SCAF8: variants seen among roughly 807,000 people sequenced by gnomAD.
SCAF8 encodes the protein SR-related and CTD-associated factor 8.
In SCAF8, 23 loss-of-function variants were observed where a neutral mutation model predicts 140.5. The ratio of observed to expected loss-of-function variants is 0.16; its 90% CI spans 0.12 to 0.23. The LOEUF is 0.23. Among genes scored for constraint, SCAF8 ranks in the 10% least tolerant of loss-of-function variants. SCAF8 has a pLI of 1.00. For missense variants in SCAF8, 1,397 were observed against 1,555.7 expected, an observed-to-expected ratio of 0.90 and a Z score of 1.72; for synonymous variants, 575 against 528.9, an observed-to-expected ratio of 1.09 and a Z score of -1.20.
chr6:154,785,089 T>A (rs577241218), intron 3 of SCAF8, among the ~76,000 whole-genome samples: 53 of 152,374 alleles, frequency 3.5e-4, no homozygotes, highest in African/African-American at 1.3e-3. Flanking sequence ...TTAAATTTTT[T>A]AATGTAATCC....
At chr6:154,736,335 A>T (rs1288735876) in intron 1 of SCAF8, among the ~76,000 whole-genome samples, 1 of 138,396 alleles carries the variant, frequency 7.2e-6, no homozygotes, top group Non-Finnish European at 1.5e-5. Flanking sequence ...CAATGGCGAG[A>T]TCTTGGCTCA....
At chr6:154,793,771 C>T (rs181370631) in intron 5 of SCAF8, among the ~76,000 whole-genome samples, 17 of 142,128 alleles carry the variant, frequency 1.2e-4, no homozygotes, top group African/African-American at 3.2e-4. Flanking sequence ...GGCGAGATCG[C>T]GCCGTTGCAC....
intron 1 of SCAF8, among the ~76,000 whole-genome samples, chr6:154,759,664 A>C (rs1365424001): frequency 7.5e-6 from 1 of 133,294 alleles, no homozygotes; most frequent in Non-Finnish European, 1.6e-5. Flanking sequence ...TGTCATAATA[A>C]TTTTTTTTTT....
At chr6:154,783,534 T>C (rs1224274915) in intron 3 of SCAF8, among the ~76,000 whole-genome samples, 1 of 152,170 alleles carries the variant, frequency 6.6e-6, no homozygotes, top group African/African-American at 2.4e-5. Flanking sequence ...GGCTTATTTG[T>C]GGTGATTTTC....
rs1274486041 is a variant in SCAF8, at chr6:154,810,348, TG to T, written c.1420+141del. On this transcript the variant is annotated intron_variant, in intron 12 of 19. Coordinates refer to ENST00000367178, the MANE Select transcript of SCAF8 (RefSeq NM_014892.5). ...GTAAATGAGTAATGTCTCTGGTTTT[TG>T]TAACATGATAGAGAAGAGAAGAAGA... The T allele has an allele frequency of 6.5e-5, 37 of 570,548 alleles. No individual in the cohort carries two copies. In the African/African-American group the frequency reaches 6.9e-4, roughly 11 times the overall value. 35.3% of individuals were successfully genotyped at this position (570,548 alleles called of 1,614,324 possible). A position where few individuals can be genotyped will look rare whatever the true frequency, so the allele number is the denominator to read the frequency against.
intron 15 of SCAF8, among the ~76,000 whole-genome samples, chr6:154,821,417 T>C (rs904413406): frequency 6.6e-6 from 1 of 152,126 alleles, no homozygotes; most frequent in East Asian, 1.9e-4. Flanking sequence ...CCTCAAATGC[T>C]GTAAAGTTTA....
chr6:154,803,541 C>T lies in SCAF8; in HGVS notation c.784-3C>T, dbSNP rs929194723. 1.9e-6 allele frequency: 3 copies of T among 1,608,342 alleles called. No homozygotes were observed. The highest frequency in any genetic ancestry group is 2.6e-6 in the Non-Finnish European group (3 of 1,175,724). On this transcript the variant is annotated splice_polypyrimidine_tract_variant and splice_region_variant and intron_variant, in intron 7 of 19. Coordinates refer to ENST00000367178, the MANE Select transcript of SCAF8 (RefSeq NM_014892.5). ...TATGTCTGTTTCTCCTTCTTTCCCC[C>T]AGAAGTTGATGGATAGGTTTGATTT...
intron 1 of SCAF8, among the ~76,000 whole-genome samples, chr6:154,740,074 C>T (rs954383580): frequency 2.6e-5 from 4 of 152,046 alleles, no homozygotes; most frequent in African/African-American, 9.7e-5. Context: ...CTGGTTAATT[C>T]TGTCAGTCAG....
At chr6:154,784,585 A>C (rs961959769) in intron 3 of SCAF8, among the ~76,000 whole-genome samples, 1 of 152,202 alleles carries the variant, frequency 6.6e-6, no homozygotes, top group African/African-American at 2.4e-5. Flanking sequence ...CAGAAAGCAA[A>C]ACTTGAATTT....
chr6:154,830,160 A>C (rs1778690093), intron 18 of SCAF8, among the ~76,000 whole-genome samples: 1 of 152,170 alleles, frequency 6.6e-6, no homozygotes, highest in South Asian at 2.1e-4. Flanking sequence ...TGTCTCATTT[A>C]ATTCTCTTAA....
chr6:154,777,663 T>C (rs1319011365), intron 2 of SCAF8, among the ~76,000 whole-genome samples: 1 of 152,234 alleles, frequency 6.6e-6, no homozygotes, highest in Non-Finnish European at 1.5e-5. Flanking sequence ...TATAAGAATA[T>C]ACACCCACCA....
intron 1 of SCAF8, among the ~76,000 whole-genome samples, chr6:154,738,921 C>T (rs1168732204): frequency 1.3e-5 from 2 of 152,068 alleles, no homozygotes; most frequent in African/African-American, 4.8e-5. Context: ...GAAAAGGGGT[C>T]GTGAGACAGT....
At chr6:154,825,256 G>A (rs1778532420) in intron 17 of SCAF8, 1 of 151,914 alleles carries the variant, frequency 6.6e-6, no homozygotes, top group African/African-American at 2.4e-5. Flanking sequence ...CCAGTTTTAG[G>A]GTATGTGCTG....
chr6:154,738,232 A>G (rs535041816), intron 1 of SCAF8, among the ~76,000 whole-genome samples: 2 of 152,158 alleles, frequency 1.3e-5, no homozygotes, highest in East Asian at 3.9e-4. Flanking sequence ...CCAATAATAC[A>G]GATTTTTAAT....
chr6:154,733,894 C>T lies in SCAF8; in HGVS notation c.-7C>T, dbSNP rs1778334383. The T allele has an allele frequency of 2.6e-6, 4 of 1,544,112 alleles. No homozygotes were observed. The highest frequency in any genetic ancestry group is 3.5e-6 in the Non-Finnish European group (4 of 1,150,498). ...GCCGCCGGGCTCGGGGCCTCCGCAG[C>T]GACAACATGGAGGCCGTGAAGACCT... On this transcript the variant is annotated 5_prime_UTR_variant, in exon 1 of 20. Coordinates refer to ENST00000367178, the MANE Select transcript of SCAF8 (RefSeq NM_014892.5).
In SCAF8 at chr6:154,811,385, T is replaced by C. The variant is rs376751309; in HGVS notation, c.1420+1177T>C. ...TAATTTGTCATGTTGTTGATTTCAC[T>C]GTTTACACAGTTTTTTTTTTTTTAA... On this transcript the variant is annotated intron_variant, in intron 12 of 19. Coordinates refer to ENST00000367178, the MANE Select transcript of SCAF8 (RefSeq NM_014892.5). Among the ~76,000 whole-genome samples, 205 of 151,710 alleles carry C rather than the reference T, an allele frequency of 1.4e-3. 1 individual carries two copies. The highest frequency in any genetic ancestry group is 4.7e-3 in the African/African-American group (195 of 41,442).
Position 154,810,118 on chromosome 6 carries a change from C to T in SCAF8, c.1330C>T (p.Arg444Trp), listed in dbSNP as rs371819737. ...RSRERKRKSS[R>W]SYSSERRARE... is the part of the protein sequence containing the mutation. The stretch of plus-strand genomic sequence containing the variant: ...AAGAGAAAGAAAGAGGAAATCATCA[C>T]GGTCGTATTCAAGTGAAAGGAGAGC... Residue 444 changes from arginine to tryptophan, a missense_variant, in exon 12 of 20, where the codon CGG (arginine) becomes TGG (tryptophan). Coordinates refer to ENST00000367178, the MANE Select transcript of SCAF8 (RefSeq NM_014892.5). The T allele has an allele frequency of 8.7e-6, 14 of 1,613,560 alleles. No individual in the cohort carries two copies. Among genetic ancestry groups the T allele is most frequent in the Non-Finnish European group, 8.5e-6 (10 of 1,179,806 alleles).
chr6:154,735,514 ATCT>A (rs1562417692), intron 1 of SCAF8, among the ~76,000 whole-genome samples: 1 of 122,742 alleles, frequency 8.1e-6, no homozygotes, highest in Non-Finnish European at 1.6e-5. Flanking sequence ...AGACTTGGGA[ATCT>A]TCTTTTTTTT....
At chr6:154,734,762 G>T (rs1778365914) in intron 1 of SCAF8, among the ~76,000 whole-genome samples, 1 of 152,196 alleles carries the variant, frequency 6.6e-6, no homozygotes, top group Non-Finnish European at 1.5e-5. Flanking sequence ...AGGCCTTAAT[G>T]TAAACATCAA....
Sources: gnomAD v4.1 joint callset for allele counts (sites outside exome capture counted in the v4.1 genomes callset) on GRCh38, gnomAD v4.1.1 for gene constraint, MANE v1.5 for transcripts, NCBI Gene and HGNC (gene_info 2026-07-23, HGNC 2026-07-21) for gene names.